The following CDH13 variants were observed in gnomAD, a reference collection of about 807,000 sequenced individuals.
CDH13 encodes the protein cadherin-13.
A neutral mutation model predicts 63.8 loss-of-function variants in CDH13; 24 were observed. The observed-to-expected ratio is 0.38, with a 90% CI of 0.27 to 0.53. CDH13 has a LOEUF of 0.53. CDH13 is among the 20% of genes least tolerant of loss of function. The probability of loss-of-function intolerance (pLI) is 0.85; values close to 1 mark genes in which losing one functional copy is unlikely to be tolerated. For synonymous variants in CDH13, 503 were observed against 355.3 expected (o/e 1.42, Z -4.67); for missense variants, 1,049 against 903.1 (o/e 1.16, Z -2.07).
intron 6 of CDH13, among the ~76,000 whole-genome samples, chr16:83,432,937 A>C (rs2072169988): frequency 6.6e-6 from 1 of 152,256 alleles, no homozygotes; most frequent in Admixed American, 6.5e-5. Flanking sequence ...TAGGGTTGAT[A>C]AGAATTACTT....
At chr16:83,507,905 G>C (rs957914095) in intron 7 of CDH13, among the ~76,000 whole-genome samples, 2 of 151,240 alleles carry the variant, frequency 1.3e-5, no homozygotes, top group Non-Finnish European at 2.9e-5. Flanking sequence ...GGTGGCGGGC[G>C]CCTGTAATTC....
In CDH13 at chr16:83,094,580, C is replaced by T. The variant is rs190880326; in HGVS notation, c.367-30805C>T. On this transcript the variant is annotated intron_variant, in intron 3 of 13. Transcript: ENST00000567109. ...AGTATAATCTTGGGAGAGGTGCTGTCTTCAGCAGAAGGCAAGGCCTCTTAG... is the reference window on the plus strand; with the variant it reads ...AGTATAATCTTGGGAGAGGTGCTGTTTTCAGCAGAAGGCAAGGCCTCTTAG... 8.6e-4 allele frequency among the ~76,000 whole-genome samples: 131 copies of T among 152,300 alleles called. 1 individual carries two copies. The highest frequency in any genetic ancestry group is 2.8e-3 in the African/African-American group (115 of 41,554).
intron 5 of CDH13, among the ~76,000 whole-genome samples, chr16:83,218,287 C>G (rs1237743359): frequency 6.6e-6 from 1 of 152,176 alleles, no homozygotes; most frequent in Non-Finnish European, 1.5e-5. Context: ...AAAGTCCCCA[C>G]CCTCCAGCAG....
intron 1 of CDH13, among the ~76,000 whole-genome samples, chr16:82,846,469 A>G (rs2039261536): frequency 6.6e-6 from 1 of 152,222 alleles, no homozygotes; most frequent in Non-Finnish European, 1.5e-5. Flanking sequence ...TGACTCATAC[A>G]ACCAATGGGA....
chr16:82,871,366 A>G (rs1469749433), intron 2 of CDH13, among the ~76,000 whole-genome samples: 3 of 152,138 alleles, frequency 2.0e-5, no homozygotes, highest in Admixed American at 1.3e-4. Context: ...AAGTCCTGAG[A>G]TGGGGACAGT....
intron 4 of CDH13, among the ~76,000 whole-genome samples, chr16:83,196,539 G>C (rs2038885223): frequency 6.6e-6 from 1 of 151,954 alleles, no homozygotes; most frequent in Non-Finnish European, 1.5e-5. Context: ...CCACATATCT[G>C]AAAAAGGATT....
At chr16:82,955,032 G>A (rs1905860716) in intron 2 of CDH13, among the ~76,000 whole-genome samples, 1 of 152,062 alleles carries the variant, frequency 6.6e-6, no homozygotes, top group East Asian at 1.9e-4. Flanking sequence ...TCCACTTATT[G>A]CTCAATGAAC....
chr16:83,530,059 C>T (rs961068700), intron 7 of CDH13, among the ~76,000 whole-genome samples: 1 of 152,124 alleles, frequency 6.6e-6, no homozygotes, highest in Non-Finnish European at 1.5e-5. Flanking sequence ...GAAGCATGTT[C>T]TCTGAAGATT....
At position 83,366,046 on chromosome 16, in the gene CDH13, A is replaced by G. The variant is rs182871760; in HGVS notation, c.781+21040A>G. Among the ~76,000 whole-genome samples, 295 of 152,308 alleles carry G rather than the reference A, an allele frequency of 1.9e-3. 3 individuals are homozygous for G. Among genetic ancestry groups the G allele is most frequent in the Non-Finnish European group, 6.0e-4 (41 of 68,034 alleles). ...GTTGTTGTTTTAAGCCACTTAATTT[A>G]TGATAATTTTTTACAATAGCAATAG... On this transcript the variant is annotated intron_variant, in intron 6 of 13. Transcript: ENST00000567109.
chr16:82,780,979 G>T (rs1435639608), intron 1 of CDH13, among the ~76,000 whole-genome samples: 1 of 152,222 alleles, frequency 6.6e-6, no homozygotes, highest in Non-Finnish European at 1.5e-5. Flanking sequence ...GTCACATTTG[G>T]GGTAGCTGTC....
chr16:82,937,123 T>TA (rs2042693143), intron 2 of CDH13, among the ~76,000 whole-genome samples: 1 of 152,192 alleles, frequency 6.6e-6, no homozygotes, highest in Non-Finnish European at 1.5e-5. Context: ...AGCATTAAAC[T>TA]AAACCCACAA....
intron 10 of CDH13, among the ~76,000 whole-genome samples, chr16:83,739,547 G>C (rs547306575): frequency 6.6e-6 from 1 of 152,000 alleles, no homozygotes; most frequent in South Asian, 2.1e-4. Flanking sequence ...AGTGGTCTTC[G>C]GGACCCCCAG....
intron 7 of CDH13, among the ~76,000 whole-genome samples, chr16:83,503,004 C>T (rs965473488): frequency 5.9e-5 from 9 of 152,140 alleles, no homozygotes; most frequent in African/African-American, 4.8e-5. Context: ...AAGGGCACAG[C>T]GGAGCTCGTT....
chr16:82,792,691 G>C lies in CDH13; in HGVS notation c.46-65671G>C, dbSNP rs115825897. Among the ~76,000 whole-genome samples, 1,086 of 152,294 alleles carry C rather than the reference G, an allele frequency of 7.1e-3. 15 individuals carry two copies. The highest frequency in any genetic ancestry group is 0.025 in the African/African-American group (1,046 of 41,566). On this transcript the variant is annotated intron_variant, in intron 1 of 13. Coordinates refer to ENST00000567109, the MANE Select transcript of CDH13 (RefSeq NM_001257.5). The stretch of plus-strand genomic sequence containing the variant: ...TGAGCTGAATTCGGTACATGGCTCT[G>C]TACTCAGAAGGCCTTTATTTATTTC...
At chr16:83,042,863 T>G (rs1375027092) in intron 3 of CDH13, among the ~76,000 whole-genome samples, 3 of 152,208 alleles carry the variant, frequency 2.0e-5, no homozygotes, top group African/African-American at 7.2e-5. Flanking sequence ...ATCTGCACAT[T>G]TGCTGTGACC....
At chr16:83,648,535 A>G (rs953587851) in intron 8 of CDH13, among the ~76,000 whole-genome samples, 49 of 152,120 alleles carry the variant, frequency 3.2e-4, no homozygotes, top group African/African-American at 1.2e-3. Flanking sequence ...GTCTTTCTGC[A>G]GCTGCCCAGA....
At chr16:83,493,033 TTTTG>T (rs891577249) in intron 7 of CDH13, among the ~76,000 whole-genome samples, 106 of 152,124 alleles carry the variant, frequency 7.0e-4, no homozygotes, top group Non-Finnish European at 1.2e-3. Context: ...GTTTTTGGTT[TTTTG>T]TTTGTTTGTC....
chr16:82,707,912 G>T (rs1332637960), intron 1 of CDH13, among the ~76,000 whole-genome samples: 1 of 151,858 alleles, frequency 6.6e-6, no homozygotes, highest in African/African-American at 2.4e-5. Flanking sequence ...ATAACAAAGA[G>T]ACTCCCAAAT....
intron 11 of CDH13, among the ~76,000 whole-genome samples, chr16:83,767,360 C>A (rs1204820480): frequency 3.3e-5 from 5 of 152,122 alleles, no homozygotes; most frequent in Non-Finnish European, 5.9e-5. Flanking sequence ...GCGAATAAGT[C>A]TCAAGAGATC....
Sources: gnomAD v4.1 joint callset for allele counts (sites outside exome capture counted in the v4.1 genomes callset) on GRCh38, gnomAD v4.1.1 for gene constraint, MANE v1.5 for transcripts, NCBI Gene and HGNC (gene_info 2026-07-23, HGNC 2026-07-21) for gene names.